ULK2: variants seen among roughly 807,000 people sequenced by gnomAD.
ULK2 encodes serine/threonine-protein kinase ULK2.
A neutral mutation model predicts 127.5 loss-of-function variants in ULK2; 76 were observed. That is an observed-to-expected ratio of 0.60 (90% CI 0.50 to 0.72). The LOEUF (loss-of-function observed/expected upper bound fraction) is 0.72. ULK2 is among the 30% of genes least tolerant of loss of function. The pLI is 0.00. For missense variants in ULK2, 1,144 were observed against 1,295.9 expected, an observed-to-expected ratio of 0.88 and a Z score of 1.80; for synonymous variants, 452 against 461.9, an observed-to-expected ratio of 0.98 and a Z score of 0.28.
chr17:19,824,980 A>G (rs2152392687), intron 12 of ULK2, 114 bp downstream of exon 12: 1 of 1,009,710 alleles, frequency 9.9e-7, no homozygotes, highest in Non-Finnish European at 1.5e-6. Context: ...AATCTCAGCT[A>G]CATTAGTAAA....
At chr17:19,809,732 CAAAAAA>C (rs369486144) in intron 14 of ULK2, among the ~76,000 whole-genome samples, 3 of 90,500 alleles carry the variant, frequency 3.3e-5, no homozygotes, top group African/African-American at 1.5e-4. Context: ...GACTCCGTCT[CAAAAAA>C]AAAAAAAAAA....
chr17:19,820,005 A>G (rs1330552622), intron 12 of ULK2, among the ~76,000 whole-genome samples: 2 of 151,486 alleles, frequency 1.3e-5, no homozygotes, highest in Admixed American at 1.3e-4. Context: ...ACAGTGGATC[A>G]TATCACTCAC....
At chr17:19,841,451 T>C in intron 9 of ULK2, 38 bp downstream of exon 9, 6 of 1,548,804 alleles carry the variant, frequency 3.9e-6, no homozygotes, top group Non-Finnish European at 5.2e-6. Flanking sequence ...AACACTGTAT[T>C]CACAAATAGT....
At chr17:19,864,069 G>C (rs2042302137) in intron 3 of ULK2, among the ~76,000 whole-genome samples, 1 of 152,154 alleles carries the variant, frequency 6.6e-6, no homozygotes, top group Non-Finnish European at 1.5e-5. Flanking sequence ...CACTTTGAGA[G>C]GCTGAGGCAG....
At chr17:19,789,910 C>CAAA (rs34932017) in intron 20 of ULK2, among the ~76,000 whole-genome samples, 1 of 57,660 alleles carries the variant, frequency 1.7e-5, no homozygotes, top group South Asian at 5.8e-4. Flanking sequence ...AAAAAGCTGC[C>CAAA]AAAAAAAAAA....
At chr17:19,838,650 T>C in intron 9 of ULK2, 67 bp from the exon 10 acceptor site, 1 of 1,370,358 alleles carries the variant, frequency 7.3e-7, no homozygotes. Flanking sequence ...AACTTTTGCC[T>C]TCCATATAGT....
At chr17:19,825,997 A>AT (rs1555560363) in intron 11 of ULK2, 142 bp downstream of exon 11, 45 of 59,384 alleles carry the variant, frequency 7.6e-4, no homozygotes, top group South Asian at 4.2e-3. Flanking sequence ...AAAAAAAAAA[A>AT]AAAAAAATAA....
chr17:19,830,806 T>C (rs533108893), intron 10 of ULK2, among the ~76,000 whole-genome samples: 122 of 152,202 alleles, frequency 8.0e-4, no homozygotes, highest in African/African-American at 2.9e-3. Context: ...GGCAGCCTGA[T>C]CGCTTGAGAA....
At chr17:19,784,672 T>A (rs1005572279) in intron 21 of ULK2, among the ~76,000 whole-genome samples, 1 of 151,890 alleles carries the variant, frequency 6.6e-6, no homozygotes, top group Non-Finnish European at 1.5e-5. Flanking sequence ...TATAGGCGTA[T>A]GCCACCATGT....
chr17:19,841,496 T>C lies in ULK2; in HGVS notation c.697A>G (p.Met233Val), dbSNP rs1370538472. The change falls in exon 9 of 27, where the codon ATG becomes GTG. Residue 233 changes from methionine (M) to valine (V), a missense_variant. By Grantham distance (21) the Met-to-Val change is conservative (BLOSUM62 1). Transcript: ENST00000395544. ...TGTAATCTAAACACATACCTAGGCATTAAGCTCCTGTTTTTTTCATAAAAC... is the reference window on the plus strand; with the variant it reads ...TGTAATCTAAACACATACCTAGGCACTAAGCTCCTGTTTTTTTCATAAAAC... Reference protein sequence around the residue: ...RMFYEKNRSLMPSIPRETSPY... With the variant: ...RMFYEKNRSLVPSIPRETSPY... The C allele has an allele frequency of 1.3e-6, 2 of 1,594,274 alleles. No homozygotes were observed. Among genetic ancestry groups the C allele is most frequent in the Non-Finnish European group, 1.7e-6 (2 of 1,174,752 alleles).
At chr17:19,827,625 G>C (rs550257122) in intron 10 of ULK2, among the ~76,000 whole-genome samples, 1 of 152,264 alleles carries the variant, frequency 6.6e-6, no homozygotes, top group South Asian at 2.1e-4. Context: ...ATAAGAATTA[G>C]GTTGGACCGG....
intron 12 of ULK2, among the ~76,000 whole-genome samples, chr17:19,823,124 C>CTCTTTTTTTTTT (rs1407810407): frequency 8.4e-5 from 1 of 11,928 alleles, no homozygotes; most frequent in African/African-American, 4.2e-4. Flanking sequence ...GCACGCCTGG[C>CTCTTTTTTTTTT]TATTTTTTTT....
intron 3 of ULK2, among the ~76,000 whole-genome samples, chr17:19,854,383 T>C (rs2042080720): frequency 6.6e-6 from 1 of 152,054 alleles, no homozygotes; most frequent in Non-Finnish European, 1.5e-5. Context: ...ATCTCATTAA[T>C]ACTAATTATA....
At chr17:19,856,735 G>A (rs1457191566) in intron 3 of ULK2, among the ~76,000 whole-genome samples, 1 of 151,746 alleles carries the variant, frequency 6.6e-6, no homozygotes, top group African/African-American at 2.4e-5. Flanking sequence ...CACTTTGGGT[G>A]GCCGAGGCGG....
intron 5 of ULK2, among the ~76,000 whole-genome samples, chr17:19,847,418 C>T (rs1174663584): frequency 1.3e-5 from 2 of 152,178 alleles, no homozygotes; most frequent in Admixed American, 1.3e-4. Flanking sequence ...TCTACTCTGT[C>T]CTTTTATCTC....
chr17:19,857,053 C>G (rs1358967071), intron 3 of ULK2, among the ~76,000 whole-genome samples: 1 of 150,540 alleles, frequency 6.6e-6, no homozygotes, highest in Non-Finnish European at 1.5e-5. Context: ...CACCTGTAAT[C>G]CCAACACTTT....
In ULK2 at chr17:19,797,558, G is replaced by A. The variant is rs143404110; in HGVS notation, c.1647C>T (p.Pro549=). ...KQKLRKQHSD[P]VCPSHTGAGY... ...CAGCCCCAGTATGGGATGGGCACAC[G>A]GGGTCAGAGTGCTGTTTTCTGAGCT... Residue 549 remains proline (P), a synonymous_variant, in exon 18 of 27, where the codon CCC becomes CCT. Coordinates refer to ENST00000395544, the MANE Select transcript of ULK2 (RefSeq NM_014683.4). 50 of 1,613,724 alleles carry A rather than the reference G, an allele frequency of 3.1e-5. No homozygotes were observed. The highest frequency in any genetic ancestry group is 1.2e-4 in the South Asian group (11 of 91,060).
intron 8 of ULK2, 24 bp downstream of exon 8, chr17:19,843,097 G>A (rs2041803661): frequency 4.5e-6 from 7 of 1,540,612 alleles, no homozygotes; most frequent in Non-Finnish European, 6.3e-6. Flanking sequence ...CAAAACTGAG[G>A]ACATAAGAAA....
intron 20 of ULK2, among the ~76,000 whole-genome samples, chr17:19,795,347 T>TAAAAAAA (rs755484577): frequency 1.2e-5 from 1 of 82,758 alleles, no homozygotes; most frequent in Non-Finnish European, 2.1e-5. Context: ...ACCCTACTGA[T>TAAAAAAA]AAAAAAAAAA....
Sources: allele counts gnomAD v4.1 joint callset (sites outside exome capture counted in the v4.1 genomes callset), GRCh38; gene constraint gnomAD v4.1.1; transcripts MANE v1.5; gene names NCBI Gene and HGNC (gene_info 2026-07-23, HGNC 2026-07-21).